The following CLEC4C variants were observed in gnomAD, a reference collection of about 807,000 sequenced individuals.
CLEC4C encodes the protein C-type (calcium dependent, carbohydrate-recognition domain) lectin, superfamily member 11.
Under a neutral mutation model 27.7 loss-of-function variants are expected in CLEC4C, and 17 were observed. That is an observed-to-expected ratio of 0.61 (90% CI 0.42 to 0.92). The LOEUF (loss-of-function observed/expected upper bound fraction) is 0.92, where lower values mean the gene tolerates loss of function less well. CLEC4C is among the 40% of genes least tolerant of loss of function. CLEC4C has a pLI of 0.00. For missense variants in CLEC4C, 244 were observed against 257.3 expected, an observed-to-expected ratio of 0.95 and a Z score of 0.35; for synonymous variants, 80 against 80.8, an observed-to-expected ratio of 0.99 and a Z score of 0.06.
At chr12:7,732,514 G>A (rs147381994) in intron 4 of CLEC4C, among the ~76,000 whole-genome samples, 1,871 of 148,948 alleles carry the variant, frequency 0.013, 62 homozygotes, top group South Asian at 0.1. Flanking sequence ...ACCATGCCCA[G>A]CTAATTTTTT....
chr12:7,729,679 A>G lies in CLEC4C; in HGVS notation c.559T>C (p.Ser187Pro). The change falls in exon 6 of 6, where the codon TCT becomes CCT. Residue 187 changes from serine (S) to proline (P), a missense_variant. Coordinates refer to ENST00000360345, the MANE Select transcript of CLEC4C (RefSeq NM_001371390.1). ...DERCAIINFR[S>P]SEEWGWNDIH... ...TCATTCCAGCCCCATTCTTCTGAAG[A>G]ACGGAAATTTATTATCGCACAACGC... 1 of 1,613,914 alleles carries G rather than the reference A, an allele frequency of 6.2e-7. No homozygotes were observed. Among genetic ancestry groups the G allele is most frequent in the Non-Finnish European group, 8.5e-7 (1 of 1,179,812 alleles).
chr12:7,736,738 C>T (rs1000275741), intron 4 of CLEC4C, among the ~76,000 whole-genome samples: 2 of 151,780 alleles, frequency 1.3e-5, no homozygotes, highest in African/African-American at 2.4e-5. Context: ...GAAACCCCAT[C>T]TCTACTAAAA....
chr12:7,744,680 T>C lies in CLEC4C; in HGVS notation c.124+1651A>G, dbSNP rs187207576. Among the ~76,000 whole-genome samples, 520 of 152,300 alleles carry C rather than the reference T, an allele frequency of 3.4e-3. 1 individual carries two copies. The highest frequency in any genetic ancestry group is 5.6e-3 in the Admixed American group (86 of 15,284). On this transcript the variant is annotated intron_variant, in intron 2 of 5. Transcript: ENST00000360345. ...CCCAGGCTGGATTGCAGTGGTACGA[T>C]TATGGCTCACTGCAGCCTCAACTTC...
chr12:7,748,871 G>T (rs764935872), upstream of CLEC4C, among the ~76,000 whole-genome samples: 5 of 152,214 alleles, frequency 3.3e-5, no homozygotes, highest in African/African-American at 1.2e-4. Flanking sequence ...AAGAAAAGCA[G>T]AATTGCATGT....
At chr12:7,747,515 T>G (rs1592101683), upstream of CLEC4C, 30 of 599,238 alleles carry the variant, frequency 5.0e-5, no homozygotes, top group East Asian at 8.0e-4. Flanking sequence ...CTTAGGAGAC[T>G]CTGCAGTGAG....
chr12:7,742,946 A>G (rs1005885483), intron 2 of CLEC4C, among the ~76,000 whole-genome samples: 9 of 152,154 alleles, frequency 5.9e-5, no homozygotes, highest in African/African-American at 2.2e-4. Flanking sequence ...CTTTCTGTGC[A>G]GGTCCAGTAA....
intron 3 of CLEC4C, among the ~76,000 whole-genome samples, chr12:7,740,453 ACT>A (rs1379917673): frequency 2.6e-5 from 4 of 151,986 alleles, no homozygotes; most frequent in Non-Finnish European, 4.4e-5. Flanking sequence ...TAATCCCAGC[ACT>A]TTGGGAGGCC....
At chr12:7,733,927 C>G (rs1349081237) in intron 4 of CLEC4C, among the ~76,000 whole-genome samples, 1 of 150,690 alleles carries the variant, frequency 6.6e-6, no homozygotes, top group Non-Finnish European at 1.5e-5. Context: ...GAGTCTTGCT[C>G]TCTCACCCAG....
intron 2 of CLEC4C, among the ~76,000 whole-genome samples, chr12:7,745,450 T>TTTTTG (rs35031890): frequency 7.9e-6 from 1 of 126,740 alleles, no homozygotes. Flanking sequence ...TTTTTTTTTT[T>TTTTTG]GAGACAGAGT....
intron 2 of CLEC4C, among the ~76,000 whole-genome samples, chr12:7,744,570 T>C (rs1864929596): frequency 6.7e-6 from 1 of 149,470 alleles, no homozygotes; most frequent in African/African-American, 2.4e-5. Context: ...AATTAAATAA[T>C]AGTTTACTTT....
Position 7,741,536 on chromosome 12 carries a change from GA to G in CLEC4C, c.125-6del, listed in dbSNP as rs80204298. ...TATACATAAAATTGTGAGGCACTGG[GA>G]AAGAGAAATCGGAGTTAGTTCTCAT... is the stretch of plus-strand genomic sequence containing the variant. On this transcript the variant is annotated splice_polypyrimidine_tract_variant and splice_region_variant and intron_variant, in intron 2 of 5. Coordinates refer to ENST00000360345, the MANE Select transcript of CLEC4C (RefSeq NM_001371390.1). 0.26 allele frequency: 383,732 copies of G among 1,483,814 alleles called. 53,363 individuals are homozygous for G. Among genetic ancestry groups the G allele is most frequent in the Admixed American group, 0.34 (20,120 of 59,754 alleles). 91.9% of individuals were successfully genotyped at this position (1,483,814 alleles called of 1,614,324 possible).
chr12:7,740,350 A>G (rs935401318), intron 3 of CLEC4C, among the ~76,000 whole-genome samples: 1 of 152,098 alleles, frequency 6.6e-6, no homozygotes, highest in Non-Finnish European at 1.5e-5. Context: ...GGAGAGGGAT[A>G]TATTTACTGT....
In CLEC4C at chr12:7,741,472, G is replaced by A; in HGVS notation, c.184C>T (p.Gln62Ter). 6.2e-7 allele frequency: 1 copy of A among 1,612,896 alleles called. No individual in the cohort carries two copies. The highest frequency in any genetic ancestry group is 8.5e-7 in the Non-Finnish European group (1 of 1,178,850). ...VKRLSKLREY[Q>*]QYHPSLTCVM... The stretch of plus-strand genomic sequence containing the variant: ...CAGGTCAGGCTTGGATGATACTGTT[G>A]ATACTCTCGTAACTTGGACAGCCTC... Residue 62 changes from glutamine (Q) to a stop codon, truncating the protein, a stop_gained, in exon 3 of 6, where the codon CAA becomes TAA. Coordinates refer to ENST00000360345, the MANE Select transcript of CLEC4C (RefSeq NM_001371390.1). LOFTEE classifies it high-confidence loss of function.
At chr12:7,745,692 C>T (rs1330103490) in intron 2 of CLEC4C, among the ~76,000 whole-genome samples, 4 of 151,506 alleles carry the variant, frequency 2.6e-5, no homozygotes, top group Admixed American at 1.3e-4. Flanking sequence ...CTTGGCCTCC[C>T]GAAGTGCTGG....
chr12:7,730,753 T>C (rs1864576907), intron 5 of CLEC4C, 44 bp downstream of exon 5: 2 of 989,394 alleles, frequency 2.0e-6, no homozygotes, highest in East Asian at 2.5e-5. Flanking sequence ...CCTAAACCCC[T>C]ACATGATCAG....
intron 4 of CLEC4C, among the ~76,000 whole-genome samples, chr12:7,734,003 C>T (rs1044185543): frequency 1.3e-5 from 2 of 152,190 alleles, no homozygotes; most frequent in Non-Finnish European, 2.9e-5. Flanking sequence ...AGCAATTCTT[C>T]TGCCTCAGCC....
chr12:7,746,663 C>T (rs1003628802), intron 1 of CLEC4C, among the ~76,000 whole-genome samples: 1 of 152,150 alleles, frequency 6.6e-6, no homozygotes, highest in African/African-American at 2.4e-5. Context: ...CTTTCCAATT[C>T]CTTACTCTCT....
rs750777690 is a variant in CLEC4C at position 7,741,445 on chromosome 12, C to T, written c.211G>A (p.Val71Ile). The change falls in exon 3 of 6, where the codon GTC becomes ATC. Residue 71 changes from valine (V) to isoleucine (I), a missense_variant. By Grantham distance (29) the Val-to-Ile change is conservative. Transcript: ENST00000360345. ...YQQYHPSLTC[V>I]MEGKDIEDWS... ...CCTTCTATGTCCTTTCCTTCCATGA[C>T]GCAGGTCAGGCTTGGATGATACTGT... 20 of 1,606,060 alleles carry T rather than the reference C, an allele frequency of 1.2e-5. No homozygotes were observed. Among genetic ancestry groups the T allele is most frequent in the South Asian group, 5.5e-5 (5 of 90,970 alleles).
At chr12:7,748,469 T>C (rs1161239002), upstream of CLEC4C, among the ~76,000 whole-genome samples, 2 of 151,628 alleles carry the variant, frequency 1.3e-5, no homozygotes, top group Non-Finnish European at 2.9e-5. Context: ...GAGCTTACAG[T>C]GAGCCGAGAT....
Sources: allele counts gnomAD v4.1 joint callset (sites outside exome capture counted in the v4.1 genomes callset), GRCh38; gene constraint gnomAD v4.1.1; transcripts MANE v1.5; gene names NCBI Gene and HGNC (gene_info 2026-07-23, HGNC 2026-07-21).